CORO2B: variants seen among roughly 807,000 people sequenced by gnomAD.
CORO2B encodes coronin-2B.
CORO2B carries 26 observed loss-of-function variants against 58.8 expected under a neutral mutation model. That is an observed-to-expected ratio of 0.44 (90% confidence interval 0.32 to 0.61). The LOEUF (loss-of-function observed/expected upper bound fraction) is 0.61, where lower values mean the gene tolerates loss of function less well. Ranked by LOEUF, CORO2B falls within the 20% of genes least tolerant of loss-of-function variation. The probability of loss-of-function intolerance (pLI) is 0.04; values close to 1 mark genes in which losing one functional copy is unlikely to be tolerated. For missense variants in CORO2B, 460 were observed against 645.1 expected, an observed-to-expected ratio of 0.71 and a Z score of 3.11; for synonymous variants, 242 against 253.8, an observed-to-expected ratio of 0.95 and a Z score of 0.44.
chr15:68,618,457 G>T (rs1315748020), intron 1 of CORO2B, among the ~76,000 whole-genome samples: 1 of 152,240 alleles, frequency 6.6e-6, no homozygotes, highest in East Asian at 1.9e-4. Context: ...TGTGTGAAAA[G>T]ATTTGAGTAA....
intron 2 of CORO2B, among the ~76,000 whole-genome samples, chr15:68,667,767 G>T (rs1567001561): frequency 6.6e-6 from 1 of 152,038 alleles, no homozygotes; most frequent in Non-Finnish European, 1.5e-5. Flanking sequence ...GAAAGAGCTA[G>T]TTCTATGTTT....
At chr15:68,672,528 C>T (rs1414787028) in intron 2 of CORO2B, among the ~76,000 whole-genome samples, 1 of 152,214 alleles carries the variant, frequency 6.6e-6, no homozygotes, top group East Asian at 1.9e-4. Context: ...ATTCTCTTAT[C>T]TCGGCCTTCC....
At chr15:68,553,106 T>C in the CORO2B span, among the ~76,000 whole-genome samples, 4 of 152,156 alleles carry the variant, frequency 2.6e-5, no homozygotes, top group African/African-American at 9.7e-5. Flanking sequence ...CAAAGGACAG[T>C]CACACATGTG....
At chr15:68,709,862 G>A (rs1892874187) in intron 3 of CORO2B, among the ~76,000 whole-genome samples, 1 of 150,064 alleles carries the variant, frequency 6.7e-6, no homozygotes, top group Non-Finnish European at 1.5e-5. Context: ...ACCAGTAGGT[G>A]AAACAGGGCA....
intron 2 of CORO2B, among the ~76,000 whole-genome samples, chr15:68,673,863 A>G (rs1304596299): frequency 1.4e-5 from 2 of 146,988 alleles, no homozygotes; most frequent in East Asian, 4.0e-4. Flanking sequence ...AAAAAAGGAC[A>G]GTGTCCCGCT....
intron 2 of CORO2B, among the ~76,000 whole-genome samples, chr15:68,678,788 A>T (rs936940841): frequency 2.0e-5 from 3 of 152,222 alleles, no homozygotes; most frequent in African/African-American, 7.2e-5. Context: ...TGGGAGCCCC[A>T]AACTCAGGCA....
At chr15:68,591,059 G>C (rs1186768005) in intron 1 of CORO2B, among the ~76,000 whole-genome samples, 1 of 152,196 alleles carries the variant, frequency 6.6e-6, no homozygotes, top group Non-Finnish European at 1.5e-5. Flanking sequence ...TGTCTCCAGG[G>C]GGATCCTGGT....
At chr15:68,629,380 T>C (rs1900765443) in intron 1 of CORO2B, among the ~76,000 whole-genome samples, 2 of 152,176 alleles carry the variant, frequency 1.3e-5, no homozygotes, top group South Asian at 4.1e-4. Context: ...GCTGATTCTG[T>C]TGGAGGAAGA....
At chr15:68,725,810 C>T (rs558869753) in intron 11 of CORO2B, 33 bp from the exon 12 acceptor site, 9 of 1,611,620 alleles carry the variant, frequency 5.6e-6, no homozygotes, top group Middle Eastern at 3.3e-4. Context: ...CTCTCCTGGG[C>T]CCTCCTTGGC....
At chr15:68,584,843 C>T (rs1335072388) in intron 1 of CORO2B, among the ~76,000 whole-genome samples, 2 of 152,130 alleles carry the variant, frequency 1.3e-5, no homozygotes, top group African/African-American at 4.8e-5. Context: ...ATGGGGCAGG[C>T]CTTGCCAGGG....
chr15:68,662,791 T>G (rs754459914), intron 2 of CORO2B, among the ~76,000 whole-genome samples: 4 of 152,244 alleles, frequency 2.6e-5, no homozygotes, highest in Non-Finnish European at 5.9e-5. Context: ...AATGACACCA[T>G]GTATGATCTG....
At chr15:68,694,127 C>T (rs1184410190) in intron 2 of CORO2B, among the ~76,000 whole-genome samples, 1 of 152,106 alleles carries the variant, frequency 6.6e-6, no homozygotes. Context: ...TGAGCCACCG[C>T]ACCCGGCTTG....
the CORO2B span, among the ~76,000 whole-genome samples, chr15:68,519,298 C>A: frequency 6.6e-6 from 1 of 151,888 alleles, no homozygotes; most frequent in Admixed American, 6.6e-5. Context: ...TGGCTGAAGT[C>A]CCAGAAAAAT....
chr15:68,551,097 G>A, the CORO2B span, among the ~76,000 whole-genome samples: 19 of 152,088 alleles, frequency 1.2e-4, no homozygotes, highest in East Asian at 1.9e-4. Context: ...CAGGCTGACC[G>A]CCCCTGGGTG....
At chr15:68,564,418 A>T in the CORO2B span, among the ~76,000 whole-genome samples, 166 of 151,776 alleles carry the variant, frequency 1.1e-3, no homozygotes, top group East Asian at 0.016. Context: ...ATCCTCCCCC[A>T]TCAGCCTCTC....
At chr15:68,724,811 G>A (rs1893253192) in intron 11 of CORO2B, among the ~76,000 whole-genome samples, 1 of 152,094 alleles carries the variant, frequency 6.6e-6, no homozygotes, top group Non-Finnish European at 1.5e-5. Flanking sequence ...AGGTGTGCAG[G>A]AGCCTCAAGG....
rs1405478381 is a variant in CORO2B, at chr15:68,645,654, T to G, written c.216+294T>G. ...TCCATTCCCTGAGGGAGTGGAACAC[T>G]CTGATCTCCAAGACCAAGTCTAGCT... is the stretch of plus-strand genomic sequence containing the variant. On this transcript the variant is annotated intron_variant, in intron 2 of 11. Coordinates refer to ENST00000261861, the MANE Select transcript of CORO2B (RefSeq NM_006091.5). This position sits in a 1 kb window ranked among gnomAD's most constrained non-coding sequence, Gnocchi z 4.5. Among the ~76,000 whole-genome samples, 1 of 152,184 alleles carries G rather than the reference T, an allele frequency of 6.6e-6. No homozygotes were observed. Among genetic ancestry groups the G allele is most frequent in the Non-Finnish European group, 1.5e-5 (1 of 68,036 alleles).
chr15:68,557,560 C>T, the CORO2B span, among the ~76,000 whole-genome samples: 1 of 152,216 alleles, frequency 6.6e-6, no homozygotes, highest in Non-Finnish European at 1.5e-5. Flanking sequence ...GGGATGGAAA[C>T]CTAAGTATGC....
At chr15:68,605,719 T>TG (rs1403236044) in intron 1 of CORO2B, among the ~76,000 whole-genome samples, 87 of 124,930 alleles carry the variant, frequency 7.0e-4, no homozygotes, top group African/African-American at 2.5e-3. Context: ...GGGTTTTTTT[T>TG]TTTTTTTTTT....
Sources: allele counts gnomAD v4.1 joint callset (sites outside exome capture counted in the v4.1 genomes callset), GRCh38; gene constraint gnomAD v4.1.1; non-coding constraint Gnocchi (gnomAD v3.1); transcripts MANE v1.5; gene names NCBI Gene and HGNC (gene_info 2026-07-23, HGNC 2026-07-21).